The following ATXN8OS variants were observed in gnomAD, a reference collection of about 807,000 sequenced individuals.
ATXN8OS encodes ATXN8 opposite strand (non-protein coding).
chr13:70,129,903 T>G, intron 3 of ATXN8OS: 1 of 398,400 alleles, frequency 2.5e-6, no homozygotes, highest in Non-Finnish European at 4.4e-6. Context: ...ATCAAAAGGT[T>G]GTACTGGTGA....
chr13:70,147,990 T>C (rs984583615), intron 4 of ATXN8OS, among the ~76,000 whole-genome samples: 6 of 152,134 alleles, frequency 3.9e-5, no homozygotes, highest in African/African-American at 9.7e-5. Context: ...AGATTTCTGA[T>C]TGGCAGTTGG....
intron 4 of ATXN8OS, among the ~76,000 whole-genome samples, chr13:70,152,790 G>A (rs1251449674): frequency 6.6e-6 from 1 of 151,876 alleles, no homozygotes; most frequent in Non-Finnish European, 1.5e-5. Context: ...TTAAGAAGTT[G>A]GTTTATTTAT....
At chr13:70,118,794 A>C (rs970427308) in intron 2 of ATXN8OS, among the ~76,000 whole-genome samples, 2 of 151,760 alleles carry the variant, frequency 1.3e-5, no homozygotes, top group Non-Finnish European at 2.9e-5. Flanking sequence ...GCTTACCAGA[A>C]GATTCATTTA....
At chr13:70,113,094 G>A (rs9564650) in intron 1 of ATXN8OS, among the ~76,000 whole-genome samples, 8 of 150,900 alleles carry the variant, frequency 5.3e-5, no homozygotes, top group African/African-American at 1.2e-4. Context: ...GCTAATTTTC[G>A]TATTTTTAGT....
intron 2 of ATXN8OS, among the ~76,000 whole-genome samples, chr13:70,124,678 G>GT (rs1391635162): frequency 1.3e-5 from 2 of 151,946 alleles, no homozygotes; most frequent in Non-Finnish European, 1.5e-5. Flanking sequence ...TGTTTGTTTG[G>GT]TTGTTGTTAT....
chr13:70,133,893 G>A (rs935152060), intron 3 of ATXN8OS, among the ~76,000 whole-genome samples: 7 of 152,182 alleles, frequency 4.6e-5, no homozygotes, highest in East Asian at 1.9e-4. Context: ...ACTGTGTTAC[G>A]GCAGTCCTCT....
intron 2 of ATXN8OS, among the ~76,000 whole-genome samples, chr13:70,122,133 C>T (rs1180121748): frequency 6.6e-6 from 1 of 151,906 alleles, no homozygotes; most frequent in Non-Finnish European, 1.5e-5. Flanking sequence ...AATGCTTTAT[C>T]CCAAGAAAGA....
intron 4 of ATXN8OS, among the ~76,000 whole-genome samples, chr13:70,169,602 T>G (rs1889120706): frequency 6.6e-6 from 1 of 152,204 alleles, no homozygotes. Context: ...CAGAAAACAT[T>G]TAATCTTTGA....
chr13:70,164,401 A>G (rs933225997), intron 4 of ATXN8OS, among the ~76,000 whole-genome samples: 1 of 151,788 alleles, frequency 6.6e-6, no homozygotes, highest in Non-Finnish European at 1.5e-5. Flanking sequence ...AGACACCGTG[A>G]GGATGAAAAT....
chr13:70,159,578 G>C (rs1888978743), intron 4 of ATXN8OS, among the ~76,000 whole-genome samples: 1 of 151,636 alleles, frequency 6.6e-6, no homozygotes, highest in African/African-American at 2.4e-5. Context: ...TTACTTTATT[G>C]GTGTATGGTT....
chr13:70,121,517 G>A lies in ATXN8OS; in HGVS notation n.398+6219G>A, dbSNP rs976832078. Among the ~76,000 whole-genome samples the A allele has an allele frequency of 3.9e-5, 6 of 152,100 alleles. No homozygotes were observed. The South Asian group carries it at 6.2e-4, about 16-fold the overall frequency. On this transcript the variant is annotated intron_variant and non_coding_transcript_variant, in intron 2 of 4. Coordinates refer to ENST00000678624, the Ensembl canonical transcript of ATXN8OS. ...GTCAAAAGAAAGAAATGAATCATCC[G>A]GAAATATTTTTTTTCTCCACCCAGA...
intron 3 of ATXN8OS, among the ~76,000 whole-genome samples, chr13:70,137,772 A>T (rs945656017): frequency 6.6e-6 from 1 of 152,192 alleles, no homozygotes; most frequent in Non-Finnish European, 1.5e-5. Flanking sequence ...TAACTACTTA[A>T]TACTTACTGT....
At chr13:70,119,387 TA>T (rs1185326774) in intron 2 of ATXN8OS, among the ~76,000 whole-genome samples, 1 of 152,126 alleles carries the variant, frequency 6.6e-6, no homozygotes, top group Admixed American at 6.6e-5. Flanking sequence ...TAATAACTCT[TA>T]AAGTTGCTTA....
intron 1 of ATXN8OS, chr13:70,108,459 C>T (rs1888132987): frequency 6.6e-6 from 1 of 151,956 alleles, no homozygotes; most frequent in African/African-American, 2.4e-5. Context: ...GTACAATTTT[C>T]TCTCTGCCTC....
At chr13:70,158,725 T>C (rs964332874) in intron 4 of ATXN8OS, among the ~76,000 whole-genome samples, 2 of 152,218 alleles carry the variant, frequency 1.3e-5, no homozygotes, top group Non-Finnish European at 2.9e-5. Flanking sequence ...TGCTCTGATA[T>C]AACATTATTT....
intron 4 of ATXN8OS, among the ~76,000 whole-genome samples, chr13:70,152,686 C>T (rs148252511): frequency 0.015 from 2,221 of 152,106 alleles, 25 homozygotes; most frequent in Admixed American, 0.023. Flanking sequence ...AAGCCTCTCA[C>T]GTCTTTTAAT....
chr13:70,118,740 C>T, intron 2 of ATXN8OS, among the ~76,000 whole-genome samples: 1 of 151,894 alleles, frequency 6.6e-6, no homozygotes. Flanking sequence ...TTGTAGATTC[C>T]TGCCTGTGGA....
intron 4 of ATXN8OS, among the ~76,000 whole-genome samples, chr13:70,166,302 T>C (rs926347676): frequency 6.6e-6 from 1 of 152,090 alleles, no homozygotes; most frequent in African/African-American, 2.4e-5. Context: ...AGCATGGTAC[T>C]GGTACCAAAA....
chr13:70,156,244 A>AGAGT (rs1555301681), intron 4 of ATXN8OS, among the ~76,000 whole-genome samples: 1 of 149,188 alleles, frequency 6.7e-6, no homozygotes, highest in African/African-American at 2.5e-5. Context: ...GGTGGGTATG[A>AGAGT]GTGTGTGTGT....
Sources: allele counts gnomAD v4.1 joint callset (sites outside exome capture counted in the v4.1 genomes callset), GRCh38; gene constraint gnomAD v4.1.1; transcripts MANE v1.5; gene names NCBI Gene and HGNC (gene_info 2026-07-23, HGNC 2026-07-21).